The following LHX9 variants were observed in gnomAD, a reference collection of about 807,000 sequenced individuals.
LHX9 encodes the protein LIM/homeobox protein Lhx9.
In LHX9, 9 loss-of-function variants were observed where a neutral mutation model predicts 36.5. The observed-to-expected ratio is 0.25, with a 90% confidence interval of 0.15 to 0.43. LHX9 has a LOEUF of 0.43. Among genes scored for constraint, LHX9 ranks in the 20% least tolerant of loss-of-function variants. The probability of loss-of-function intolerance (pLI) is 1.00; values close to 1 mark genes in which losing one functional copy is unlikely to be tolerated. For synonymous variants in LHX9, 211 were observed against 212.1 expected, an observed-to-expected ratio of 0.99 and a Z score of 0.04; for missense variants, 464 against 526.4, an observed-to-expected ratio of 0.88 and a Z score of 1.16.
At chr1:197,912,586 A>C, upstream of LHX9, 1 of 1,612,794 alleles carries the variant, frequency 6.2e-7, no homozygotes, top group Non-Finnish European at 8.5e-7. Flanking sequence ...GTTCCTTCTG[A>C]TGTTCTCTGC....
In LHX9 at chr1:197,921,536, C is replaced by T. The variant is rs1659985830; in HGVS notation, c.610C>T (p.Leu204=). Residue 204 remains leucine (L), a synonymous_variant, in exon 3 of 5, where the codon CTG becomes TTG. Coordinates refer to ENST00000367387, the MANE Select transcript of LHX9 (RefSeq NM_020204.3). The surrounding 1 kb of genome is among the most constrained non-coding windows in gnomAD (Gnocchi z 4.6). ...EYPPQLSYTE[L]AAKSGGLALP... is the part of the protein sequence containing the mutation. ...TCCACCGCAGCTGAGCTACACGGAG[C>T]TGGCGGCCAAGAGCGGCGGCCTGGC... 6.2e-7 allele frequency: 1 copy of T among 1,613,940 alleles called. No individual in the cohort carries two copies. The highest frequency in any genetic ancestry group is 1.7e-5 in the Admixed American group (1 of 60,014).
At chr1:197,916,495 T>C, upstream of LHX9, 1 of 590,692 alleles carries the variant, frequency 1.7e-6, no homozygotes, top group Non-Finnish European at 3.0e-6. Flanking sequence ...GCTTCCTATA[T>C]TGGCAAGCTT....
Position 197,929,156 on chromosome 1 carries a change from A to G in LHX9, c.1091A>G (p.Asp364Gly). ...TPPGTATTLT[D>G]LTNPTITVVT... is the part of the protein sequence containing the mutation. The stretch of plus-strand genomic sequence containing the variant: ...CCCGGCACTGCGACCACTTTAACAG[A>G]CCTGACCAATCCCACTATCACTGTA... Residue 364 changes from aspartate (D) to glycine (G), a missense_variant, in exon 5 of 5, where the codon GAC (aspartate) becomes GGC (glycine). Asp to Gly is a moderately conservative substitution (Grantham distance 94). Coordinates refer to ENST00000367387, the MANE Select transcript of LHX9 (RefSeq NM_020204.3). The G allele has an allele frequency of 6.2e-7, 1 of 1,612,668 alleles. No homozygotes were observed. The highest frequency in any genetic ancestry group is 8.5e-7 in the Non-Finnish European group (1 of 1,179,638).
At chr1:197,928,905 A>AC in intron 4 of LHX9, 97 bp from the exon 5 acceptor site, 1 of 1,167,320 alleles carries the variant, frequency 8.6e-7, no homozygotes, top group Non-Finnish European at 1.1e-6. Flanking sequence ...AAAAAAAAAA[A>AC]GAAAGAAAGA....
chr1:197,932,076 CAA>C lies in LHX9; in HGVS notation c.*2825_*2826del, dbSNP rs34018572. Reference sequence around the variant, plus strand: ...TCATACATTAAAAAATTTATTAAGCCAAAAAAAAAGAGAGAGAGAGAGACTTA... The same window carrying C: ...TCATACATTAAAAAATTTATTAAGCCAAAAAAAGAGAGAGAGAGAGACTTA... On this transcript the variant is annotated 3_prime_UTR_variant, in exon 5 of 5. Transcript: ENST00000367387. 8.7e-6 allele frequency: 6 copies of C among 690,782 alleles called. No homozygotes were observed. The highest frequency in any genetic ancestry group is 2.5e-5 in the South Asian group (1 of 40,656). The allele number at this position is 690,782 out of a possible 1,614,324, so 42.8% of individuals were successfully genotyped here. A position where few individuals can be genotyped will look rare whatever the true frequency, so the allele number is the denominator to read the frequency against.
chr1:197,923,051 C>T (rs1660036489), intron 3 of LHX9, among the ~76,000 whole-genome samples: 1 of 152,232 alleles, frequency 6.6e-6, no homozygotes, highest in Admixed American at 6.5e-5. Context: ...CCGTTGGGCT[C>T]TCTCCTGGGG....
rs1372899239 is a variant in LHX9, at chr1:197,917,465, AT to A, written c.-355del. The A allele has an allele frequency of 1.5e-6, 2 of 1,333,158 alleles. No individual in the cohort carries two copies. Among genetic ancestry groups the A allele is most frequent in the South Asian group, 2.5e-5 (2 of 81,038 alleles). 82.6% of individuals were successfully genotyped at this position (1,333,158 alleles called of 1,614,324 possible). On this transcript the variant is annotated 5_prime_UTR_variant, in exon 1 of 5. Coordinates refer to ENST00000367387, the MANE Select transcript of LHX9 (RefSeq NM_020204.3). ...TTTTTCTTTCTTTGTGTTCAAAACT[AT>A]TTTCTTTCTTCACCAGATTTTGTTT...
chr1:197,918,979 C>A (rs1272774144), intron 1 of LHX9, among the ~76,000 whole-genome samples: 2 of 152,166 alleles, frequency 1.3e-5, no homozygotes, highest in Non-Finnish European at 2.9e-5. Context: ...ATATTTGTAA[C>A]ACTCATTCAG....
chr1:197,918,049 T>C (rs1475525612), intron 1 of LHX9, 52 bp downstream of exon 1: 1 of 1,572,422 alleles, frequency 6.4e-7, no homozygotes, highest in East Asian at 2.2e-5. Context: ...CGCCCTCTGT[T>C]AAACCAAGCC....
chr1:197,932,345 T>C lies in LHX9; in HGVS notation c.*3086T>C, dbSNP rs1159184498. 1.2e-5 allele frequency: 2 copies of C among 171,150 alleles called. No individual in the cohort carries two copies. The highest frequency in any genetic ancestry group is 6.1e-5 in the Admixed American group (1 of 16,516). 10.6% of individuals were successfully genotyped at this position (171,150 alleles called of 1,614,324 possible). ...TTCATTTCACCTGCTTGCTAATGTG[T>C]ATTAGTCCTGTTAATGGCATTTTCC... On this transcript the variant is annotated 3_prime_UTR_variant, in exon 5 of 5. Coordinates refer to ENST00000367387, the MANE Select transcript of LHX9 (RefSeq NM_020204.3).
At position 197,921,853 on chromosome 1, in the gene LHX9, T is replaced by A. The variant is rs1479716449; in HGVS notation, c.733+194T>A. On this transcript the variant is annotated intron_variant, in intron 3 of 4. Transcript: ENST00000367387. The surrounding 1 kb of genome is among the most constrained non-coding windows in gnomAD (Gnocchi z 4.6). ...GGGAAGGGAGGGAGAGGCAGCACTT[T>A]ATTTAGGTTGTGGCAAAAAACACAT... 2.0e-5 allele frequency among the ~76,000 whole-genome samples: 3 copies of A among 152,200 alleles called. No individual in the cohort carries two copies. Among genetic ancestry groups the A allele is most frequent in the African/African-American group, 7.2e-5 (3 of 41,444 alleles).
intron 3 of LHX9, among the ~76,000 whole-genome samples, chr1:197,925,792 A>T (rs554030611): frequency 7.2e-5 from 11 of 152,344 alleles, no homozygotes; most frequent in African/African-American, 2.6e-4. Flanking sequence ...ATTCGAATGT[A>T]TATATCTGAC....
chr1:197,933,366 T>A lies in LHX9; in HGVS notation c.*4107T>A, dbSNP rs1438732083. ...TTTTAAAGAAGAGAGAGCAACTTAC[T>A]AATAAAAAAAAGCAATGCACCATGA... is the stretch of plus-strand genomic sequence containing the variant. On this transcript the variant is annotated 3_prime_UTR_variant, in exon 5 of 5. Coordinates refer to ENST00000367387, the MANE Select transcript of LHX9 (RefSeq NM_020204.3). 1.3e-5 allele frequency: 2 copies of A among 152,166 alleles called. No homozygotes were observed. Among genetic ancestry groups the A allele is most frequent in the Non-Finnish European group, 2.9e-5 (2 of 67,954 alleles). The allele number at this position is 152,166 out of a possible 1,614,324, so 9.4% of individuals were successfully genotyped here.
chr1:197,928,102 C>T (rs1019713669), intron 4 of LHX9, among the ~76,000 whole-genome samples: 1 of 152,178 alleles, frequency 6.6e-6, no homozygotes, highest in Non-Finnish European at 1.5e-5. Context: ...CAGGCCGTGG[C>T]TTTATCGATT....
At position 197,923,116 on chromosome 1, in the gene LHX9, G is replaced by A. The variant is rs1028211320; in HGVS notation, c.733+1457G>A. Among the ~76,000 whole-genome samples the A allele has an allele frequency of 3.9e-5, 6 of 152,330 alleles. No individual in the cohort carries two copies. The South Asian group carries it at 6.2e-4, about 16-fold the overall frequency. On this transcript the variant is annotated intron_variant, in intron 3 of 4. Coordinates refer to ENST00000367387, the MANE Select transcript of LHX9 (RefSeq NM_020204.3). Reference sequence around the variant, plus strand: ...AGAATCCTTTATGGGCAAGCACAGCGGGTGGCCTTGCAGGGAGAATGGGGA... The same window carrying A: ...AGAATCCTTTATGGGCAAGCACAGCAGGTGGCCTTGCAGGGAGAATGGGGA...
In LHX9 at chr1:197,932,203, A is replaced by G. The variant is rs1180195904; in HGVS notation, c.*2944A>G. 7.4e-6 allele frequency: 3 copies of G among 405,390 alleles called. No individual in the cohort carries two copies. The highest frequency in any genetic ancestry group is 1.3e-5 in the Non-Finnish European group (3 of 226,376). 25.1% of individuals were successfully genotyped at this position (405,390 alleles called of 1,614,324 possible). On this transcript the variant is annotated 3_prime_UTR_variant, in exon 5 of 5. Coordinates refer to ENST00000367387, the MANE Select transcript of LHX9 (RefSeq NM_020204.3). ...TGGTTTAAACAAAATTAGATAAACC[A>G]TGTACAAAACCAGAGCAACCTGGCA...
chr1:197,929,884 G>A lies in LHX9; in HGVS notation c.*625G>A, dbSNP rs1218742596. 8 of 965,204 alleles carry A rather than the reference G, an allele frequency of 8.3e-6. No homozygotes were observed. The highest frequency in any genetic ancestry group is 9.9e-6 in the Non-Finnish European group (8 of 811,570). The allele number at this position is 965,204 out of a possible 1,614,324, so 59.8% of individuals were successfully genotyped here. On this transcript the variant is annotated 3_prime_UTR_variant, in exon 5 of 5. Transcript: ENST00000367387. Reference sequence around the variant, plus strand: ...TAATTAGGTGAGAAATCTATTACAGGAATGTGACTTTTCCTTCTCTTAGGG... The same window carrying A: ...TAATTAGGTGAGAAATCTATTACAGAAATGTGACTTTTCCTTCTCTTAGGG...
rs758647618 is a variant in LHX9 at position 197,921,641 on chromosome 1, A to G, written c.715A>G (p.Ile239Val). The change falls in exon 3 of 5, where the codon ATC becomes GTC. Residue 239 changes from isoleucine (I) to valine (V), a missense_variant. This residue lies in a region of LHX9 where 130 missense variants were observed against 109.6 expected (regional missense o/e 1.19). Coordinates refer to ENST00000367387, the MANE Select transcript of LHX9 (RefSeq NM_020204.3). This position sits in a 1 kb window ranked among gnomAD's most constrained non-coding sequence, Gnocchi z 4.6. ...KRKSPALGVDIVNYNSGCNEN... is the reference protein window; with the variant it reads ...KRKSPALGVDVVNYNSGCNEN... ...GAAGAGCCCAGCGCTGGGAGTGGAC[A>G]TCGTCAATTACAACTCAGGTGTGCC... 54 of 1,589,786 alleles carry G rather than the reference A, an allele frequency of 3.4e-5. No homozygotes were observed. The highest frequency in any genetic ancestry group is 3.3e-4 in the Middle Eastern group (2 of 6,022).
In LHX9 at chr1:197,935,298, A is replaced by G. The variant is rs1660423970; in HGVS notation, c.*6039A>G. On this transcript the variant is annotated 3_prime_UTR_variant, in exon 5 of 5. Transcript: ENST00000367387. ...AAGAATAAAGATCCAGATATTAGCC[A>G]TATGTAGAAAGTTCCTGGTGTGCAT... The G allele has an allele frequency of 1.3e-5, 2 of 152,326 alleles. No individual in the cohort carries two copies. Among genetic ancestry groups the G allele is most frequent in the Admixed American group, 1.3e-4 (2 of 15,296 alleles). The allele number at this position is 152,326 out of a possible 1,614,324, so 9.4% of individuals were successfully genotyped here.
Sources: gnomAD v4.1 joint callset for allele counts (sites outside exome capture counted in the v4.1 genomes callset) on GRCh38, gnomAD v4.1.1 for gene constraint, gnomAD v4.1.1 regional missense constraint, Gnocchi (gnomAD v3.1) non-coding constraint, MANE v1.5 for transcripts, NCBI Gene and HGNC (gene_info 2026-07-23, HGNC 2026-07-21) for gene names.